The following SLC35D1 variants were observed in gnomAD, a reference collection of about 807,000 sequenced individuals.
SLC35D1 encodes nucleotide sugar transporter SLC35D1.
SLC35D1 carries 31 observed loss-of-function variants against 46.7 expected under a neutral mutation model. The ratio of observed to expected loss-of-function variants is 0.66; its 90% CI spans 0.50 to 0.90. The LOEUF (loss-of-function observed/expected upper bound fraction) is 0.90, where lower values mean the gene tolerates loss of function less well. Among genes scored for constraint, SLC35D1 ranks in the 40% least tolerant of loss-of-function variants. The pLI is 0.00. For missense variants in SLC35D1, 397 were observed against 426.2 expected (o/e 0.93, Z 0.60); for synonymous variants, 195 against 164.6 (o/e 1.18, Z -1.41).
rs757039088 is a variant in SLC35D1 at position 67,049,804 on chromosome 1, T to A, written c.511A>T (p.Ile171Phe). ...GIKMTVFAMI[I>F]GAFVAASSDL... ...TACCTGGCAGCTACAAAGGCTCCAA[T>A]AATCATTGCAAATACAGTCATTTTA... The change falls in exon 6 of 12, where the codon ATT (isoleucine) becomes TTT (phenylalanine). Residue 171 changes from isoleucine (I) to phenylalanine (F), a missense_variant. Coordinates refer to ENST00000235345, the MANE Select transcript of SLC35D1 (RefSeq NM_015139.3). 1.2e-6 allele frequency: 2 copies of A among 1,613,900 alleles called. No homozygotes were observed. Among genetic ancestry groups the A allele is most frequent in the Admixed American group, 3.3e-5 (2 of 60,018 alleles).
At chr1:67,047,219 T>G (rs751964350) in intron 7 of SLC35D1, 46 bp downstream of exon 7, 2 of 1,455,896 alleles carry the variant, frequency 1.4e-6, no homozygotes, top group Admixed American at 1.7e-5. Context: ...TGAATTGACA[T>G]GCCAACATCA....
intron 10 of SLC35D1, among the ~76,000 whole-genome samples, chr1:67,016,016 G>A (rs183398618): frequency 2.0e-5 from 3 of 151,530 alleles, no homozygotes; most frequent in Non-Finnish European, 4.4e-5. Flanking sequence ...AGATAATAGG[G>A]CCCCTAGAAG....
chr1:67,019,050 A>G (rs949006712), intron 10 of SLC35D1, among the ~76,000 whole-genome samples: 6 of 152,240 alleles, frequency 3.9e-5, no homozygotes, highest in Non-Finnish European at 8.8e-5. Flanking sequence ...GGAGAAACAT[A>G]TATCAAAAGG....
At chr1:67,053,043 G>C in intron 1 of SLC35D1, 54 bp from the exon 2 acceptor site, 2 of 1,600,496 alleles carry the variant, frequency 1.2e-6, no homozygotes, top group South Asian at 2.2e-5. Flanking sequence ...ACTTAGCTCC[G>C]TGAATTCAAT....
At chr1:66,976,510 A>T in the SLC35D1 span, 1 of 1,387,978 alleles carries the variant, frequency 7.2e-7, no homozygotes, top group Non-Finnish European at 9.8e-7. Context: ...GGACTAGCCA[A>T]ATTTATTTTC....
At chr1:67,012,611 ATT>A (rs113979532) in intron 10 of SLC35D1, among the ~76,000 whole-genome samples, 1 of 149,584 alleles carries the variant, frequency 6.7e-6, no homozygotes, top group African/African-American at 2.5e-5. Context: ...AGAAGGTCAC[ATT>A]TTTTTTTAGA....
chr1:67,029,847 G>T (rs780886281), intron 8 of SLC35D1, among the ~76,000 whole-genome samples: 4 of 152,054 alleles, frequency 2.6e-5, no homozygotes, highest in Non-Finnish European at 5.9e-5. Flanking sequence ...CATTTTAATT[G>T]TTCACATTTT....
At chr1:66,998,915 A>G (rs1175433962), downstream of SLC35D1, among the ~76,000 whole-genome samples, 1 of 152,218 alleles carries the variant, frequency 6.6e-6, no homozygotes, top group African/African-American at 2.4e-5. Context: ...TGGTTGAACA[A>G]CAATGTGAAT....
downstream of SLC35D1, among the ~76,000 whole-genome samples, chr1:66,995,125 C>G (rs964885644): frequency 6.6e-6 from 1 of 152,054 alleles, no homozygotes; most frequent in Non-Finnish European, 1.5e-5. Context: ...TTCCGTGATC[C>G]CCACCTGACA....
chr1:67,014,738 GT>G (rs1196166455), intron 10 of SLC35D1, among the ~76,000 whole-genome samples: 1 of 113,346 alleles, frequency 8.8e-6, no homozygotes, highest in African/African-American at 3.4e-5. Flanking sequence ...TCTACTAAAT[GT>G]TGTAAGGTCA....
chr1:66,980,546 T>C, the SLC35D1 span, among the ~76,000 whole-genome samples: 1 of 152,234 alleles, frequency 6.6e-6, no homozygotes, highest in East Asian at 1.9e-4. Context: ...TTATAGACTA[T>C]TAACACAGAC....
At position 67,050,473 on chromosome 1, in the gene SLC35D1, A is replaced by C. The variant is rs1406721830; in HGVS notation, c.424T>G (p.Ser142Ala). The change falls in exon 5 of 12, where the codon TCC becomes GCC. Residue 142 changes from serine (S) to alanine (A), a missense_variant. Physicochemically the swap from Ser to Ala is moderately conservative, Grantham distance 99. Transcript: ENST00000235345. ...LPMFTVLRRFSILFTMFAEGV... is the reference protein window; with the variant it reads ...LPMFTVLRRFAILFTMFAEGV... ...TCAGCAAACATTGTAAACAGGATGG[A>C]GAACCTTCTCAGAACTGTAAACATT... 1.1e-5 allele frequency: 17 copies of C among 1,613,364 alleles called. No individual in the cohort carries two copies. The highest frequency in any genetic ancestry group is 1.4e-5 in the Non-Finnish European group (16 of 1,179,640).
At chr1:67,013,154 G>A (rs200964679) in intron 10 of SLC35D1, among the ~76,000 whole-genome samples, 2 of 4,686 alleles carry the variant, frequency 4.3e-4, no homozygotes, top group Admixed American at 5.0e-3. Context: ...CATATATCCT[G>A]GAGATATATA....
chr1:67,054,144 C>G lies in SLC35D1; in HGVS notation c.-131G>C. On this transcript the variant is annotated 5_prime_UTR_variant, in exon 1 of 12. Coordinates refer to ENST00000235345, the MANE Select transcript of SLC35D1 (RefSeq NM_015139.3). Reference sequence around the variant, plus strand: ...CTGCGCGCTCGCCGCCTCGACTCCCCGCTTGGCCGCCGCCTGTCCCCGCCC... The same window carrying G: ...CTGCGCGCTCGCCGCCTCGACTCCCGGCTTGGCCGCCGCCTGTCCCCGCCC... 3.5e-6 allele frequency: 3 copies of G among 846,882 alleles called. No individual in the cohort carries two copies. Among genetic ancestry groups the G allele is most frequent in the Non-Finnish European group, 5.3e-6 (3 of 565,430 alleles). The allele number at this position is 846,882 out of a possible 1,614,324, so 52.5% of individuals were successfully genotyped here.
chr1:66,982,078 C>G, the SLC35D1 span, among the ~76,000 whole-genome samples: 1 of 152,132 alleles, frequency 6.6e-6, no homozygotes, highest in African/African-American at 2.4e-5. Flanking sequence ...TATATACTAA[C>G]AGAATACAAA....
intron 11 of SLC35D1, among the ~76,000 whole-genome samples, chr1:67,006,795 T>C (rs906858416): frequency 2.0e-5 from 3 of 152,170 alleles, no homozygotes; most frequent in Admixed American, 6.5e-5. Flanking sequence ...GTTTCCAATT[T>C]CAAATTTTGG....
At chr1:67,005,022 C>T (rs1667418570) in intron 11 of SLC35D1, among the ~76,000 whole-genome samples, 1 of 152,144 alleles carries the variant, frequency 6.6e-6, no homozygotes, top group Non-Finnish European at 1.5e-5. Context: ...ATCCATCGCA[C>T]CTACCACCAG....
rs1456854495 is a variant in SLC35D1, at chr1:67,003,926, C to T, written c.*414G>A. Reference sequence around the variant, plus strand: ...TTCACATATTCGTCTGCATTTCCAGCAGAGGAAAGGCTAAACTGCCTCCAG... The same window carrying T: ...TTCACATATTCGTCTGCATTTCCAGTAGAGGAAAGGCTAAACTGCCTCCAG... On this transcript the variant is annotated 3_prime_UTR_variant, in exon 12 of 12. Transcript: ENST00000235345. The T allele has an allele frequency of 4.9e-6, 1 of 203,276 alleles. No homozygotes were observed. The highest frequency in any genetic ancestry group is 5.3e-5 in the Admixed American group (1 of 18,868). 12.6% of individuals were successfully genotyped at this position (203,276 alleles called of 1,614,324 possible).
At chr1:67,028,059 T>C (rs1439271074) in intron 8 of SLC35D1, among the ~76,000 whole-genome samples, 1 of 149,928 alleles carries the variant, frequency 6.7e-6, no homozygotes, top group African/African-American at 2.5e-5. Flanking sequence ...TTTTCATTGT[T>C]CAAAATATTT....
Sources: gnomAD v4.1 joint callset for allele counts (sites outside exome capture counted in the v4.1 genomes callset) on GRCh38, gnomAD v4.1.1 for gene constraint, MANE v1.5 for transcripts, NCBI Gene and HGNC (gene_info 2026-07-23, HGNC 2026-07-21) for gene names.